Variants in BMPER observed in about 807,000 individuals in gnomAD.
The protein encoded by BMPER is BMP-binding endothelial regulator protein.
Under a neutral mutation model 87.3 loss-of-function variants are expected in BMPER, and 45 were observed. That is an observed-to-expected ratio of 0.52 (90% CI 0.41 to 0.66). BMPER has a LOEUF of 0.66. Ranked by LOEUF, BMPER falls within the 30% of genes least tolerant of loss-of-function variation. The probability of loss-of-function intolerance (pLI) is 0.00; values close to 1 mark genes in which losing one functional copy is unlikely to be tolerated. For synonymous variants in BMPER, 326 were observed against 316.2 expected, an observed-to-expected ratio of 1.03 and a Z score of -0.33; for missense variants, 784 against 867.5, an observed-to-expected ratio of 0.90 and a Z score of 1.21.
At chr7:34,002,924 A>G (rs1585726682) in intron 6 of BMPER, among the ~76,000 whole-genome samples, 2 of 151,332 alleles carry the variant, frequency 1.3e-5, no homozygotes, top group Non-Finnish European at 3.0e-5. Context: ...TCTCTTGTAG[A>G]CAGTATATAG....
chr7:34,107,788 G>A (rs1482447544), intron 13 of BMPER, among the ~76,000 whole-genome samples: 1 of 152,128 alleles, frequency 6.6e-6, no homozygotes, highest in Non-Finnish European at 1.5e-5. Context: ...GTTTTTTGGT[G>A]TGTTGAGGTC....
intron 10 of BMPER, among the ~76,000 whole-genome samples, chr7:34,061,419 T>C (rs1406623327): frequency 2.0e-5 from 3 of 152,212 alleles, no homozygotes; most frequent in Non-Finnish European, 2.9e-5. Context: ...CTCAGCTTCC[T>C]TGGCTTTGAG....
chr7:34,116,394 A>G (rs1406960350), intron 13 of BMPER, among the ~76,000 whole-genome samples: 1 of 152,060 alleles, frequency 6.6e-6, no homozygotes, highest in Non-Finnish European at 1.5e-5. Flanking sequence ...CAGCTTATTG[A>G]CTCATTCCCA....
chr7:33,996,172 C>T (rs6948650), intron 6 of BMPER, among the ~76,000 whole-genome samples: 3 of 152,022 alleles, frequency 2.0e-5, no homozygotes, highest in African/African-American at 2.4e-5. Context: ...ATGAAAAAGT[C>T]GCTTTAGTAA....
chr7:34,051,816 TC>T lies in BMPER; in HGVS notation c.677-41del, dbSNP rs776323068. ...GAATCACCGATGACAAAATGGGACA[TC>T]CCCGATTCTGTCTTACTTACACTGT... On this transcript the variant is annotated intron_variant, in intron 7 of 14. Coordinates refer to ENST00000649409, the MANE Select transcript of BMPER (RefSeq NM_001365308.1). 3.3e-6 allele frequency: 5 copies of T among 1,492,670 alleles called. No homozygotes were observed. In the African/African-American group the frequency reaches 4.2e-5, roughly 12 times the overall value. 92.5% of individuals were successfully genotyped at this position (1,492,670 alleles called of 1,614,324 possible).
In BMPER at chr7:34,029,699, A is replaced by C. The variant is rs145487887; in HGVS notation, c.577-16607A>C. Reference sequence around the variant, plus strand: ...TTTGTTTCAAATGTATCACTTTTTTAAGGCCTCCCAGAGCAGGACTAAGGG... The same window carrying C: ...TTTGTTTCAAATGTATCACTTTTTTCAGGCCTCCCAGAGCAGGACTAAGGG... On this transcript the variant is annotated intron_variant, in intron 6 of 14. Transcript: ENST00000649409. 2.6e-3 allele frequency among the ~76,000 whole-genome samples: 403 copies of C among 152,188 alleles called. 1 individual carries two copies. The highest frequency in any genetic ancestry group is 9.4e-3 in the African/African-American group (392 of 41,544).
intron 6 of BMPER, among the ~76,000 whole-genome samples, chr7:34,015,568 T>A (rs983506375): frequency 2.0e-5 from 3 of 151,832 alleles, no homozygotes; most frequent in African/African-American, 7.3e-5. Context: ...AACTTTCTAT[T>A]GGTGAGATGA....
chr7:34,089,257 A>G (rs1187414111), intron 13 of BMPER, among the ~76,000 whole-genome samples: 1 of 152,140 alleles, frequency 6.6e-6, no homozygotes, highest in Non-Finnish European at 1.5e-5. Flanking sequence ...ACACACCCAA[A>G]TAACTTTCTG....
chr7:33,935,323 C>G (rs920488601), intron 2 of BMPER, among the ~76,000 whole-genome samples: 1 of 152,092 alleles, frequency 6.6e-6, no homozygotes, highest in Non-Finnish European at 1.5e-5. Context: ...CAGAAATACT[C>G]TCCCCTGATG....
At chr7:34,090,065 T>C (rs1789337727) in intron 13 of BMPER, among the ~76,000 whole-genome samples, 1 of 152,250 alleles carries the variant, frequency 6.6e-6, no homozygotes, top group Non-Finnish European at 1.5e-5. Context: ...ATTAACTAAC[T>C]GAATATGTTT....
At chr7:34,016,346 C>A (rs1373446119) in intron 6 of BMPER, among the ~76,000 whole-genome samples, 1 of 151,860 alleles carries the variant, frequency 6.6e-6, no homozygotes, top group Non-Finnish European at 1.5e-5. Flanking sequence ...TGCCCATAAT[C>A]CCTTTACTTT....
intron 6 of BMPER, among the ~76,000 whole-genome samples, chr7:34,037,798 G>A (rs1787721355): frequency 6.6e-6 from 1 of 152,216 alleles, no homozygotes; most frequent in African/African-American, 2.4e-5. Flanking sequence ...ACATTGGATT[G>A]TCTGGTTTGA....
At chr7:34,079,382 T>C (rs1438877589) in intron 12 of BMPER, among the ~76,000 whole-genome samples, 196 bp downstream of exon 12, 2 of 152,172 alleles carry the variant, frequency 1.3e-5, no homozygotes, top group Non-Finnish European at 2.9e-5. Flanking sequence ...CACAAACAGC[T>C]GGAGACATTC....
chr7:33,982,262 T>C (rs1785883696), intron 6 of BMPER, among the ~76,000 whole-genome samples: 1 of 152,180 alleles, frequency 6.6e-6, no homozygotes, highest in African/African-American at 2.4e-5. Flanking sequence ...TGCATTTTAG[T>C]CATAAGCTGT....
intron 2 of BMPER, among the ~76,000 whole-genome samples, chr7:33,934,298 C>G (rs920625041): frequency 6.6e-6 from 1 of 152,290 alleles, no homozygotes; most frequent in Non-Finnish European, 1.5e-5. Context: ...CAGGCTCTCA[C>G]CAGCAATTCC....
intron 13 of BMPER, among the ~76,000 whole-genome samples, chr7:34,089,482 TTTTA>T (rs1585821499): frequency 2.6e-5 from 4 of 152,116 alleles, no homozygotes. Flanking sequence ...GTTTATTTTA[TTTTA>T]TTTATTTATT....
chr7:34,120,062 C>T (rs1790223252), intron 13 of BMPER, among the ~76,000 whole-genome samples: 1 of 152,228 alleles, frequency 6.6e-6, no homozygotes, highest in East Asian at 1.9e-4. Flanking sequence ...AAAAAATTGT[C>T]CAACCTTGCA....
rs763161722 is a variant in BMPER at position 34,058,092 on chromosome 7, A to G, written c.961A>G (p.Ile321Val). ...GATGTGGTCCTCTATCAATTGTACC[A>G]TCTGTGCTTGTGTGAAAGGCAGGAC... ...GEMWSSINCTICACVKGRTEC... is the reference protein window; with the variant it reads ...GEMWSSINCTVCACVKGRTEC... The change falls in exon 10 of 15, where the codon ATC (isoleucine) becomes GTC (valine). Residue 321 changes from isoleucine to valine, a missense_variant. Ile to Val is a conservative substitution (Grantham distance 29). Transcript: ENST00000649409. 3.5e-5 allele frequency: 56 copies of G among 1,613,934 alleles called. No individual in the cohort carries two copies. Among genetic ancestry groups the G allele is most frequent in the Non-Finnish European group, 3.9e-5 (46 of 1,179,992 alleles).
At chr7:34,033,675 G>A (rs1787587083) in intron 6 of BMPER, among the ~76,000 whole-genome samples, 1 of 152,194 alleles carries the variant, frequency 6.6e-6, no homozygotes, top group African/African-American at 2.4e-5. Context: ...AGAGAGCCCT[G>A]GGCATTTTCT....
Sources: gnomAD v4.1 joint callset for allele counts (sites outside exome capture counted in the v4.1 genomes callset) on GRCh38, gnomAD v4.1.1 for gene constraint, MANE v1.5 for transcripts, NCBI Gene and HGNC (gene_info 2026-07-23, HGNC 2026-07-21) for gene names.